MYH6: variants seen among roughly 807,000 people sequenced by gnomAD.
MYH6 encodes myosin heavy chain 6.
In MYH6, 126 loss-of-function variants were observed where a neutral mutation model predicts 223.2. The observed-to-expected ratio is 0.56, with a 90% CI of 0.49 to 0.65. MYH6 has a LOEUF of 0.65. Ranked by LOEUF, MYH6 falls within the 30% of genes least tolerant of loss-of-function variation. The pLI is 0.00. For missense variants in MYH6, 2,040 were observed against 2,536.4 expected (o/e 0.80, Z 4.20); for synonymous variants, 978 against 1,010.2 (o/e 0.97, Z 0.61).
At chr14:23,404,872 T>C in intron 6 of MYH6, 50 bp from the exon 7 acceptor site, 2 of 1,568,966 alleles carry the variant, frequency 1.3e-6, no homozygotes, top group African/African-American at 1.4e-5. Flanking sequence ...CTGTTCTCCA[T>C]ACAGGGCTCA....
Position 23,400,050 on chromosome 14 carries a change from A to G in MYH6, c.1581+206T>C. ...TTAAGACACTGAGGGGACCACCACAAAGGGGCATAAAGTGCAAGGTCCTGG... is the reference window on the plus strand; with the variant it reads ...TTAAGACACTGAGGGGACCACCACAGAGGGGCATAAAGTGCAAGGTCCTGG... On this transcript the variant is annotated intron_variant, in intron 14 of 38. Transcript: ENST00000405093. The G allele has an allele frequency of 5.3e-6, 4 of 752,626 alleles. No individual in the cohort carries two copies. The Admixed American group carries it at 6.8e-5, about 13-fold the overall frequency. The allele number at this position is 752,626 out of a possible 1,614,324, so 46.6% of individuals were successfully genotyped here. A position where few individuals can be genotyped will look rare whatever the true frequency, so the allele number is the denominator to read the frequency against.
rs774393113 is a variant in MYH6 at position 23,389,086 on chromosome 14, G to C, written c.3979-31C>G. The C allele has an allele frequency of 1.9e-6, 3 of 1,576,380 alleles. No individual in the cohort carries two copies. The African/African-American group carries it at 4.0e-5, about 21-fold the overall frequency. On this transcript the variant is annotated intron_variant, in intron 28 of 38. Coordinates refer to ENST00000405093, the MANE Select transcript of MYH6 (RefSeq NM_002471.4). ...GAGGGGGGGGGGCACCAGGAGGTGG[G>C]AGGGACTCCCTGTGCCCCATTCTCT...
At position 23,389,069 on chromosome 14, in the gene MYH6, GGGGCACCAGGAGGTGGGA is replaced by G; in HGVS notation, c.3979-32_3979-15del. On this transcript the variant is annotated splice_polypyrimidine_tract_variant and intron_variant, in intron 28 of 38. Transcript: ENST00000405093. The stretch of plus-strand genomic sequence containing the variant: ...GGCGTTCTTCGCCTGGGGAGGGGGG[GGGGCACCAGGAGGTGGGA>G]GGGACTCCCTGTGCCCCATTCTCTA... The G allele has an allele frequency of 3.9e-6, 6 of 1,528,710 alleles. No homozygotes were observed. In the South Asian group the frequency reaches 6.9e-5, roughly 18 times the overall value. The allele number at this position is 1,528,710 out of a possible 1,614,324, so 94.7% of individuals were successfully genotyped here.
At position 23,382,081 on chromosome 14, in the gene MYH6, G is replaced by A. The variant is rs142808595; in HGVS notation, c.5797-18C>T. 94 of 1,610,584 alleles carry A rather than the reference G, an allele frequency of 5.8e-5. 1 individual carries two copies. The East Asian group carries it at 2.1e-3, about 35-fold the overall frequency. On this transcript the variant is annotated intron_variant, in intron 38 of 38. Transcript: ENST00000405093. ...ATTTTTTGCTGCAAAAAGAATAAGAGGTGTGAGGGGGCAGCTGGCAAGAGG... is the reference window on the plus strand; with the variant it reads ...ATTTTTTGCTGCAAAAAGAATAAGAAGTGTGAGGGGGCAGCTGGCAAGAGG...
chr14:23,387,952 C>A, intron 30 of MYH6, 29 bp from the exon 31 acceptor site: 11 of 1,611,782 alleles, frequency 6.8e-6, no homozygotes, highest in Non-Finnish European at 8.5e-6. Context: ...CACTCTTCAG[C>A]CCCCCAGCCT....
At chr14:23,392,440 G>T (rs1891260702) in intron 25 of MYH6, 122 bp downstream of exon 25, 2 of 813,580 alleles carry the variant, frequency 2.5e-6, no homozygotes, top group East Asian at 2.4e-5. Flanking sequence ...AGTCAGGGAT[G>T]GTTGGGTCTA....
rs758145733 is a variant in MYH6, at chr14:23,407,249, C to G, written c.-13-13G>C. Reference sequence around the variant, plus strand: ...CTTGGTGCTTCCCCTGGGTCAGAGACAGGAGGGCTATGTTACTCCTGAGGG... The same window carrying G: ...CTTGGTGCTTCCCCTGGGTCAGAGAGAGGAGGGCTATGTTACTCCTGAGGG... On this transcript the variant is annotated splice_polypyrimidine_tract_variant and intron_variant, in intron 2 of 38. Transcript: ENST00000405093. The surrounding 1 kb of genome is among the most constrained non-coding windows in gnomAD (Gnocchi z 5.6). 2.0e-5 allele frequency: 33 copies of G among 1,613,864 alleles called. No homozygotes were observed. The South Asian group carries it at 3.3e-4, about 16-fold the overall frequency.
rs573713868 is a variant in MYH6, at chr14:23,391,180, A to G, written c.3343-734T>C. On this transcript the variant is annotated intron_variant, in intron 25 of 38. Transcript: ENST00000405093. ...ATTTTGATCTGTTGTCTGGCTAGCC[A>G]GGAGCAAAACGGGGGTTCAGTGGAA... Among the ~76,000 whole-genome samples the G allele has an allele frequency of 2.6e-5, 4 of 152,310 alleles. No individual in the cohort carries two copies. In the East Asian group the frequency reaches 7.7e-4, roughly 29 times the overall value.
intron 29 of MYH6, chr14:23,388,638 T>TA: frequency 1.1e-6 from 1 of 874,682 alleles, no homozygotes; most frequent in Non-Finnish European, 2.0e-6. Context: ...GAGCATCAGG[T>TA]ATAACCCGGG....
At chr14:23,399,598 G>A (rs1401584110) in intron 14 of MYH6, 5 of 193,186 alleles carry the variant, frequency 2.6e-5, no homozygotes, top group Admixed American at 2.1e-4. Context: ...GCACACACAT[G>A]TATGTATGAA....
chr14:23,393,631 A>G, intron 22 of MYH6, 35 bp downstream of exon 22: 1 of 1,614,186 alleles, frequency 6.2e-7, no homozygotes, highest in Non-Finnish European at 8.5e-7. Context: ...AGTCTTGAGG[A>G]GACCTGGGCT....
At chr14:23,395,621 G>T (rs1222074952) in intron 20 of MYH6, among the ~76,000 whole-genome samples, 1 of 152,042 alleles carries the variant, frequency 6.6e-6, no homozygotes, top group Non-Finnish European at 1.5e-5. Flanking sequence ...CTGCCTCCCG[G>T]GCTCATGCCA....
chr14:23,397,420 A>C (rs1482605919), intron 16 of MYH6, 123 bp downstream of exon 16: 17 of 1,333,824 alleles, frequency 1.3e-5, no homozygotes, highest in Non-Finnish European at 1.7e-5. Flanking sequence ...CACACTAAAA[A>C]ACGACTACGT....
In MYH6 at chr14:23,397,932, CTCT is replaced by C. The variant is rs55907025; in HGVS notation, c.1892-322_1892-320del. Among the ~76,000 whole-genome samples the C allele has an allele frequency of 6.5e-3, 580 of 89,916 alleles. 5 individuals carry two copies. Among genetic ancestry groups the C allele is most frequent in the Middle Eastern group, 0.016 (3 of 192 alleles). The allele number at this position is 89,916 out of a possible 152,430, so 59.0% of individuals were successfully genotyped here. On this transcript the variant is annotated intron_variant, in intron 15 of 38. Transcript: ENST00000405093. ...AGTTCTCCTCCTCCTCCTCCTCCTCCTCTTCTTCTTCTTCTTCTTCTTCTTCTT... is the reference window on the plus strand; with the variant it reads ...AGTTCTCCTCCTCCTCCTCCTCCTCCTCTTCTTCTTCTTCTTCTTCTTCTT...
rs141143152 is a variant in MYH6 at position 23,389,600 on chromosome 14, G to T, written c.3852C>A (p.Thr1284=). The T allele has an allele frequency of 5.6e-6, 9 of 1,614,214 alleles. No individual in the cohort carries two copies. Among genetic ancestry groups the T allele is most frequent in the Non-Finnish European group, 7.6e-6 (9 of 1,180,042 alleles). Residue 1284 remains threonine, a synonymous_variant, in exon 27 of 39, where the codon ACC becomes ACA. Coordinates refer to ENST00000405093, the MANE Select transcript of MYH6 (RefSeq NM_002471.4). ...DFTTQRAKLQ[T]ENGELARQLE... ...TTGGTTAGGGGCACCCACCATTCTC[G>T]GTCTGCAGCTTGGCTCGCTGGGTGG...
chr14:23,382,728 C>A (rs1456061700), intron 37 of MYH6, among the ~76,000 whole-genome samples, 166 bp from the exon 38 acceptor site: 2 of 152,210 alleles, frequency 1.3e-5, no homozygotes, highest in African/African-American at 4.8e-5. Context: ...GCACTCTTCT[C>A]AAACATGTCC....
chr14:23,382,257 C>T (rs1890883692), intron 38 of MYH6, among the ~76,000 whole-genome samples, 171 bp downstream of exon 38: 1 of 151,980 alleles, frequency 6.6e-6, no homozygotes, highest in Non-Finnish European at 1.5e-5. Flanking sequence ...GCAGAAGTTC[C>T]AGTCAGTGGG....
At chr14:23,395,120 C>T (rs1891355343) in intron 20 of MYH6, among the ~76,000 whole-genome samples, 1 of 152,238 alleles carries the variant, frequency 6.6e-6, no homozygotes, top group Non-Finnish European at 1.5e-5. Context: ...CTGCCTTAGC[C>T]TCCCAAAGTG....
In MYH6 at chr14:23,393,066, G is replaced by A; in HGVS notation, c.3106-9C>T. 2 of 1,614,146 alleles carry A rather than the reference G, an allele frequency of 1.2e-6. No homozygotes were observed. The highest frequency in any genetic ancestry group is 1.7e-6 in the Non-Finnish European group (2 of 1,180,028). ...TCTAGGGATCCCTCCAGCTGTTGGA[G>A]GGAAGAAAATAAGCAAAGTGTGGAA... On this transcript the variant is annotated splice_polypyrimidine_tract_variant and intron_variant, in intron 23 of 38. Transcript: ENST00000405093.
Sources: allele counts gnomAD v4.1 joint callset (sites outside exome capture counted in the v4.1 genomes callset), GRCh38; gene constraint gnomAD v4.1.1; non-coding constraint Gnocchi (gnomAD v3.1); transcripts MANE v1.5; gene names NCBI Gene and HGNC (gene_info 2026-07-23, HGNC 2026-07-21).